Variants in LRRC41 observed in about 807,000 individuals in gnomAD.
LRRC41 encodes leucine rich repeat containing 41, also known as leucine-rich repeat-containing protein 41.
Under a neutral mutation model 72.1 loss-of-function variants are expected in LRRC41, and 17 were observed. The ratio of observed to expected loss-of-function variants is 0.24; its 90% CI spans 0.16 to 0.35. The LOEUF is 0.35. Among genes scored for constraint, LRRC41 ranks in the 10% least tolerant of loss-of-function variants. The pLI is 1.00. For missense variants in LRRC41, 759 were observed against 1,065.0 expected, an observed-to-expected ratio of 0.71 and a Z score of 4.00; for synonymous variants, 427 against 431.0, an observed-to-expected ratio of 0.99 and a Z score of 0.11.
In LRRC41 at chr1:46,303,535, G is replaced by C; in HGVS notation, c.-213C>G. The stretch of plus-strand genomic sequence containing the variant: ...TACTTGGGTGTGGTATGACTAAGGG[G>C]ATGTTTCTTAGCAAAGCCTCCTCGG... On this transcript the variant is annotated 5_prime_UTR_variant, in exon 1 of 10. In the 5' UTR this introduces an upstream ATG that the reference lacks. Transcript: ENST00000617190. 1.3e-6 allele frequency: 1 copy of C among 751,204 alleles called. No homozygotes were observed. The highest frequency in any genetic ancestry group is 2.1e-6 in the Non-Finnish European group (1 of 472,740). The allele number at this position is 751,204 out of a possible 1,614,324, so 46.5% of individuals were successfully genotyped here. A position where few individuals can be genotyped will look rare whatever the true frequency, so the allele number is the denominator to read the frequency against.
intron 3 of LRRC41, chr1:46,296,731 C>T (rs1661134313): frequency 1.3e-5 from 2 of 152,192 alleles, no homozygotes; most frequent in South Asian, 4.1e-4. Context: ...CAAGGAGTTA[C>T]ACAGACTCCA....
chr1:46,302,275 G>A lies in LRRC41; in HGVS notation c.199+849C>T. 2 of 985,184 alleles carry A rather than the reference G, an allele frequency of 2.0e-6. No individual in the cohort carries two copies. Among genetic ancestry groups the A allele is most frequent in the South Asian group, 4.7e-5 (1 of 21,274 alleles). The allele number at this position is 985,184 out of a possible 1,614,324, so 61.0% of individuals were successfully genotyped here. ...TCCGGGATCCCCGGGCCGTCGCCCC[G>A]CTTGGGGCCTCCTTGGCCCTTCCCG... On this transcript the variant is annotated intron_variant, in intron 1 of 9. Coordinates refer to ENST00000617190, the MANE Select transcript of LRRC41 (RefSeq NM_006369.5). The surrounding 1 kb of genome is among the most constrained non-coding windows in gnomAD (Gnocchi z 4.7).
rs1219656700 is a variant in LRRC41 at position 46,291,552 on chromosome 1, G to GTTTT, written c.358-5057_358-5054dup. On this transcript the variant is annotated intron_variant, in intron 3 of 9. Transcript: ENST00000617190. ...AGGTCTCACTGTGTTGCCCCAGCTG[G>GTTTT]TTTTTTTTTTTTTTTTTTTTTTTTT... is the stretch of plus-strand genomic sequence containing the variant. 2.4e-3 allele frequency among the ~76,000 whole-genome samples: 206 copies of GTTTT among 84,946 alleles called. 1 individual carries two copies. Among genetic ancestry groups the GTTTT allele is most frequent in the Non-Finnish European group, 2.8e-3 (127 of 45,128 alleles). 55.7% of individuals were successfully genotyped at this position (84,946 alleles called of 152,430 possible). A position where few individuals can be genotyped will look rare whatever the true frequency, so the allele number is the denominator to read the frequency against.
chr1:46,295,667 GC>G (rs1469714996), intron 3 of LRRC41, among the ~76,000 whole-genome samples: 3 of 152,190 alleles, frequency 2.0e-5, no homozygotes, highest in Non-Finnish European at 4.4e-5. Context: ...AAGACAGAAA[GC>G]TTTCTCCAAG....
intron 3 of LRRC41, among the ~76,000 whole-genome samples, chr1:46,295,571 A>C (rs962048425): frequency 2.0e-5 from 3 of 152,196 alleles, no homozygotes; most frequent in Non-Finnish European, 2.9e-5. Context: ...TGGAATGGAC[A>C]TGCTCCAAGT....
rs1473824573 is a variant in LRRC41, at chr1:46,278,063, T to C, written c.*802A>G. ...CTGTAGTGACTTCAGCTGTGCCTTC[T>C]GTCCCTAGGTTGCACTGCCGACGTT... On this transcript the variant is annotated 3_prime_UTR_variant, in exon 10 of 10. Transcript: ENST00000617190. The C allele has an allele frequency of 3.1e-6, 5 of 1,614,058 alleles. No homozygotes were observed. In the African/African-American group the frequency reaches 4.0e-5, roughly 13 times the overall value.
chr1:46,303,438 A>C lies in LRRC41; in HGVS notation c.-116T>G. 1 of 1,057,940 alleles carries C rather than the reference A, an allele frequency of 9.5e-7. No homozygotes were observed. Among genetic ancestry groups the C allele is most frequent in the East Asian group, 2.7e-5 (1 of 36,872 alleles). The allele number at this position is 1,057,940 out of a possible 1,614,324, so 65.5% of individuals were successfully genotyped here. On this transcript the variant is annotated 5_prime_UTR_variant, in exon 1 of 10. Coordinates refer to ENST00000617190, the MANE Select transcript of LRRC41 (RefSeq NM_006369.5). ...GAAGAATGTGAATTATTCTAAAGAA[A>C]TTTCGAAGAAATTAGCACACTTTCC...
In LRRC41 at chr1:46,303,204, G is replaced by C; in HGVS notation, c.119C>G (p.Pro40Arg). ...AAPAKSSASG[P>R]NAPPALFELC... ...CTCGAACAGGGCGGGGGGAGCGTTG[G>C]GGCCCGAGGCCGAGCTCTTCGCTGG... The change falls in exon 1 of 10, where the codon CCC (proline) becomes CGC (arginine). Residue 40 changes from proline (P) to arginine (R), a missense_variant. Around this residue, in one of 4 missense-constraint regions of LRRC41, gnomAD observed 106 missense variants for 66.1 expected, o/e 1.60. Transcript: ENST00000617190. 1 of 1,570,204 alleles carries C rather than the reference G, an allele frequency of 6.4e-7. No individual in the cohort carries two copies. Among genetic ancestry groups the C allele is most frequent in the Non-Finnish European group, 8.6e-7 (1 of 1,162,342 alleles).
At position 46,277,931 on chromosome 1, in the gene LRRC41, A is replaced by AAGGAGCTGTTTATCCTGGATGAAGCT. The variant is rs1168417739; in HGVS notation, c.*908_*933dup. On this transcript the variant is annotated 3_prime_UTR_variant, in exon 10 of 10. Coordinates refer to ENST00000617190, the MANE Select transcript of LRRC41 (RefSeq NM_006369.5). ...GCGCCACTTCTCTCTGGGCGAGTTG[A>AAGGAGCTGTTTATCCTGGATGAAGCT]AGGAGCTGTTTATCCTGGATGAAGC... The AAGGAGCTGTTTATCCTGGATGAAGCT allele has an allele frequency of 2.5e-6, 4 of 1,614,118 alleles. No individual in the cohort carries two copies. The highest frequency in any genetic ancestry group is 3.4e-6 in the Non-Finnish European group (4 of 1,180,034).
chr1:46,286,304 G>A lies in LRRC41; in HGVS notation c.553C>T (p.Arg185Cys). ...CTGGCCAGGGTCTCCAGAACCCTGC[G>A]GTTGGGCTCAGCCACCAGCTCGGTT... ...GATELVAEPN[R>C]RVLETLASSL... Residue 185 changes from arginine to cysteine, a missense_variant, in exon 4 of 10, where the codon CGC becomes TGC. By Grantham distance (180) the Arg-to-Cys change is radical. Transcript: ENST00000617190. The surrounding 1 kb of genome is among the most constrained non-coding windows in gnomAD (Gnocchi z 5.5). The A allele has an allele frequency of 2.5e-6, 4 of 1,614,220 alleles. No homozygotes were observed. The highest frequency in any genetic ancestry group is 3.4e-6 in the Non-Finnish European group (4 of 1,180,032).
At position 46,280,503 on chromosome 1, in the gene LRRC41, A is replaced by G. The variant is rs774123042; in HGVS notation, c.1814T>C (p.Leu605Pro). 6.2e-7 allele frequency: 1 copy of G among 1,614,190 alleles called. No homozygotes were observed. The highest frequency in any genetic ancestry group is 1.7e-5 in the Admixed American group (1 of 60,018). The stretch of plus-strand genomic sequence containing the variant: ...CGAGGCCTTCAGAACGGAGCACAGC[A>G]GTGGGGCTGGCTGGGCTCCCCGTGG... The part of the protein sequence containing the change: ...GFPRGAQPAP[L>P]LCSVLKASGS... The change falls in exon 6 of 10, where the codon CTG becomes CCG. Residue 605 changes from leucine to proline, a missense_variant. By Grantham distance (98) the Leu-to-Pro change is moderately conservative. Coordinates refer to ENST00000617190, the MANE Select transcript of LRRC41 (RefSeq NM_006369.5).
chr1:46,293,077 G>C lies in LRRC41; in HGVS notation c.357+4486C>G, dbSNP rs367868934. Among the ~76,000 whole-genome samples, 157 of 151,950 alleles carry C rather than the reference G, an allele frequency of 1.0e-3. 2 individuals carry two copies. In the South Asian group the frequency reaches 0.016, roughly 16 times the overall value. ...CACGCACTTGTAGTCCCAGCTACTC[G>C]GGAGGCTGAGGCAGGAGAATCACTT... On this transcript the variant is annotated intron_variant, in intron 3 of 9. Transcript: ENST00000617190.
In LRRC41 at chr1:46,285,396, C is replaced by G; in HGVS notation, c.1461G>C (p.Trp487Cys). Residue 487 changes from tryptophan to cysteine, a missense_variant, in exon 4 of 10, where the codon TGG becomes TGC. Around this residue, in one of 4 missense-constraint regions of LRRC41, gnomAD observed 427 missense variants for 520.9 expected, o/e 0.82. Transcript: ENST00000617190. This position sits in a 1 kb window ranked among gnomAD's most constrained non-coding sequence, Gnocchi z 5.3. Reference protein sequence around the residue: ...ALTLCHLLSSWVSLESLTLSY... With the variant: ...ALTLCHLLSSCVSLESLTLSY... ...AGAGTGTGAGGCTCTCCAGTGACAC[C>G]CAGGAGCTCAGCAGGTGGCATAGTG... 6.2e-7 allele frequency: 1 copy of G among 1,614,060 alleles called. No homozygotes were observed. The highest frequency in any genetic ancestry group is 8.5e-7 in the Non-Finnish European group (1 of 1,179,972).
Position 46,285,993 on chromosome 1 carries a change from C to T in LRRC41, c.864G>A (p.Arg288=), listed in dbSNP as rs1232381624. ...DEGSLLLGSR[R]PRRDAAERCA... is the part of the protein sequence containing the mutation. Reference sequence around the variant, plus strand: ...ATCGCTCAGCAGCATCCCGGCGGGGCCGACGTGAGCCCAATAAGAGGGACC... The same window carrying T: ...ATCGCTCAGCAGCATCCCGGCGGGGTCGACGTGAGCCCAATAAGAGGGACC... The change falls in exon 4 of 10, where the codon CGG becomes CGA. Residue 288 remains arginine, a synonymous_variant. Coordinates refer to ENST00000617190, the MANE Select transcript of LRRC41 (RefSeq NM_006369.5). The surrounding 1 kb of genome is among the most constrained non-coding windows in gnomAD (Gnocchi z 5.3). The T allele has an allele frequency of 6.5e-7, 1 of 1,549,062 alleles. No individual in the cohort carries two copies. Among genetic ancestry groups the T allele is most frequent in the Non-Finnish European group, 8.7e-7 (1 of 1,147,388 alleles).
chr1:46,293,000 A>G (rs1661048584), intron 3 of LRRC41, among the ~76,000 whole-genome samples: 1 of 152,148 alleles, frequency 6.6e-6, no homozygotes, highest in Non-Finnish European at 1.5e-5. Context: ...CCTGGCCAAC[A>G]TGGTGAAACC....
Position 46,279,630 on chromosome 1 carries a change from A to G in LRRC41, c.2021-16T>C, listed in dbSNP as rs757261544. ...AAGGTAATCTCTGTCAAGAAAAATT[A>G]TAGTAAATTCTGATGGCTGCATTAG... On this transcript the variant is annotated splice_polypyrimidine_tract_variant and intron_variant, in intron 7 of 9. Coordinates refer to ENST00000617190, the MANE Select transcript of LRRC41 (RefSeq NM_006369.5). This position sits in a 1 kb window ranked among gnomAD's most constrained non-coding sequence, Gnocchi z 4.5. The G allele has an allele frequency of 6.8e-6, 11 of 1,614,052 alleles. No homozygotes were observed. The highest frequency in any genetic ancestry group is 1.1e-5 in the South Asian group (1 of 91,088).
chr1:46,281,891 C>G (rs1660782535), intron 4 of LRRC41, among the ~76,000 whole-genome samples: 1 of 152,106 alleles, frequency 6.6e-6, no homozygotes, highest in Non-Finnish European at 1.5e-5. Context: ...CCAGCCTGGC[C>G]AACATGGTGA....
intron 4 of LRRC41, among the ~76,000 whole-genome samples, chr1:46,284,725 GAAA>G (rs1033828012): frequency 1.1e-4 from 17 of 152,156 alleles, no homozygotes; most frequent in Non-Finnish European, 2.2e-4. Context: ...CCTGAGAAGG[GAAA>G]AGGAGAGTTT....
In LRRC41 at chr1:46,286,639, T is replaced by G; in HGVS notation, c.358-140A>C. 2.4e-6 allele frequency: 2 copies of G among 833,686 alleles called. No homozygotes were observed. The highest frequency in any genetic ancestry group is 3.6e-6 in the Non-Finnish European group (2 of 550,862). 51.6% of individuals were successfully genotyped at this position (833,686 alleles called of 1,614,324 possible). ...AATCTTCACATCTCTGAGGTATGTA[T>G]TATTATTAGCCCTATTTTACAGGTA... On this transcript the variant is annotated intron_variant, in intron 3 of 9. Coordinates refer to ENST00000617190, the MANE Select transcript of LRRC41 (RefSeq NM_006369.5). The surrounding 1 kb of genome is among the most constrained non-coding windows in gnomAD (Gnocchi z 5.5).
Sources: allele counts gnomAD v4.1 joint callset (sites outside exome capture counted in the v4.1 genomes callset), GRCh38; gene constraint gnomAD v4.1.1; regional missense constraint gnomAD v4.1.1; non-coding constraint Gnocchi (gnomAD v3.1); transcripts MANE v1.5; gene names NCBI Gene and HGNC (gene_info 2026-07-23, HGNC 2026-07-21).